The following GPR174 variants were observed in gnomAD, a reference collection of about 807,000 sequenced individuals.
The protein encoded by GPR174 is probable G protein-coupled receptor 174.
A neutral mutation model predicts 16.5 loss-of-function variants in GPR174; 8 were observed. The ratio of observed to expected loss-of-function variants is 0.48; its 90% CI spans 0.28 to 0.87. The LOEUF (loss-of-function observed/expected upper bound fraction) is 0.87. Among genes scored for constraint, GPR174 ranks in the 40% least tolerant of loss-of-function variants. GPR174 has a pLI of 0.09. For synonymous variants in GPR174, 111 were observed against 94.8 expected, an observed-to-expected ratio of 1.17 and a Z score of -0.99; for missense variants, 214 against 247.5, an observed-to-expected ratio of 0.86 and a Z score of 0.91.
intron 2 of GPR174, among the ~76,000 whole-genome samples, chrX:79,165,293 C>T (rs1921331484): frequency 1.3e-5 from 1 of 76,661 alleles, no homozygotes; most frequent in African/African-American, 5.1e-5. Flanking sequence ...AGGAATACAA[C>T]GAAGCACTAA....
intron 2 of GPR174, among the ~76,000 whole-genome samples, chrX:79,168,865 T>G (rs1476851598): frequency 3.6e-5 from 4 of 111,644 alleles, no homozygotes; most frequent in Non-Finnish European, 7.5e-5. Flanking sequence ...ATAATGAAGC[T>G]TGCATATAGT....
intron 2 of GPR174, among the ~76,000 whole-genome samples, chrX:79,164,566 C>T (rs1921311454): frequency 9.0e-6 from 1 of 111,661 alleles, no homozygotes; most frequent in Admixed American, 9.5e-5. Flanking sequence ...GAAATATAGG[C>T]CCACAATACT....
Position 79,171,875 on chromosome X carries a change from G to A in GPR174, c.868G>A (p.Val290Ile), listed in dbSNP as rs751528143. 7 of 1,209,310 alleles carry A rather than the reference G, an allele frequency of 5.8e-6. No homozygotes were observed. The highest frequency in any genetic ancestry group is 1.8e-5 in the African/African-American group (1 of 56,978). Residue 290 changes from valine to isoleucine, a missense_variant, in exon 3 of 3, where the codon GTC becomes ATC. Val to Ile is a conservative substitution (Grantham distance 29). Coordinates refer to ENST00000645147, the MANE Select transcript of GPR174 (RefSeq NM_032553.3). ...LASLNSCLDPVIYYFSTNEFR... is the reference protein window; with the variant it reads ...LASLNSCLDPIIYYFSTNEFR... ...TAGTCTGAATTCATGTCTTGACCCA[G>A]TCATATACTACTTTTCCACTAATGA...
intron 1 of GPR174, among the ~76,000 whole-genome samples, chrX:79,153,461 T>A (rs1035275792): frequency 2.7e-5 from 3 of 111,840 alleles, no homozygotes; most frequent in Admixed American, 9.5e-5. Flanking sequence ...TTTCTTCCAG[T>A]CTTGAATGCC....
intron 1 of GPR174, among the ~76,000 whole-genome samples, chrX:79,153,434 C>T (rs772298479): frequency 2.3e-4 from 26 of 111,583 alleles, no homozygotes; most frequent in African/African-American, 7.5e-4. Flanking sequence ...AAATAACATT[C>T]GTCTTATTTT....
Position 79,169,620 on chromosome X carries a change from T to C in GPR174, c.-556-832T>C, listed in dbSNP as rs140126998. On this transcript the variant is annotated intron_variant, in intron 2 of 2. Transcript: ENST00000645147. ...AGGATGTTTCATAATTCCCATTTCA[T>C]TTTTGTTCTTCCCACACATATCTTT... Among the ~76,000 whole-genome samples the C allele has an allele frequency of 4.7e-3, 521 of 111,953 alleles. 3 individuals are homozygous for C. The highest frequency in any genetic ancestry group is 0.015 in the African/African-American group (478 of 30,844).
intron 2 of GPR174, among the ~76,000 whole-genome samples, chrX:79,167,233 A>C (rs1921395530): frequency 8.9e-6 from 1 of 112,166 alleles, no homozygotes; most frequent in Non-Finnish European, 1.9e-5. Flanking sequence ...AGATTCTCAG[A>C]TTTTAAGGCT....
rs1889833603 is a variant in GPR174, at chrX:79,170,739, G to A, written c.-269G>A. The A allele has an allele frequency of 6.0e-6, 2 of 334,873 alleles. No individual in the cohort carries two copies. Among genetic ancestry groups the A allele is most frequent in the African/African-American group, 5.3e-5 (2 of 37,745 alleles). 27.6% of individuals were successfully genotyped at this position (334,873 alleles called of 1,213,427 possible). A position where few individuals can be genotyped will look rare whatever the true frequency, so the allele number is the denominator to read the frequency against. On this transcript the variant is annotated 5_prime_UTR_variant, in exon 3 of 3. Transcript: ENST00000645147. Reference sequence around the variant, plus strand: ...CAGAGGGCCTTAAAATAAACAAGAGGGGAAATTGTAACAGCTTGTCATCTG... The same window carrying A: ...CAGAGGGCCTTAAAATAAACAAGAGAGGAAATTGTAACAGCTTGTCATCTG...
chrX:79,161,849 A>G (rs898141696), intron 2 of GPR174, among the ~76,000 whole-genome samples: 4 of 111,967 alleles, frequency 3.6e-5, no homozygotes, highest in Non-Finnish European at 7.5e-5. Flanking sequence ...GGGAAAATAA[A>G]AATAGCACTA....
intron 1 of GPR174, among the ~76,000 whole-genome samples, chrX:79,156,271 A>C (rs1921095475): frequency 8.9e-6 from 1 of 112,001 alleles, no homozygotes; most frequent in Admixed American, 9.4e-5. Flanking sequence ...ACCATACATA[A>C]GAAACTATCT....
At chrX:79,160,835 G>A (rs1296846603) in intron 2 of GPR174, among the ~76,000 whole-genome samples, 3 of 111,908 alleles carry the variant, frequency 2.7e-5, no homozygotes, top group Non-Finnish European at 5.6e-5. Flanking sequence ...ATACTTCAGA[G>A]TTGAAACATT....
chrX:79,152,791 T>A (rs1411870486), intron 1 of GPR174, among the ~76,000 whole-genome samples: 1 of 111,969 alleles, frequency 8.9e-6, no homozygotes, highest in Non-Finnish European at 1.9e-5. Flanking sequence ...GAAAATGGTA[T>A]AATTGAGGAC....
At chrX:79,165,856 G>C (rs1025076788) in intron 2 of GPR174, among the ~76,000 whole-genome samples, 12 of 111,425 alleles carry the variant, frequency 1.1e-4, no homozygotes, top group African/African-American at 3.6e-4. Context: ...AGAAGGGTCT[G>C]ATTATCTTGG....
chrX:79,163,538 G>T (rs1332954979), intron 2 of GPR174, among the ~76,000 whole-genome samples: 2 of 111,468 alleles, frequency 1.8e-5, no homozygotes, highest in Non-Finnish European at 3.8e-5. Context: ...TCAAACTGTA[G>T]ACTACAAGAA....
intron 1 of GPR174, among the ~76,000 whole-genome samples, chrX:79,150,795 G>A (rs1047640272): frequency 8.1e-5 from 9 of 111,793 alleles, no homozygotes; most frequent in Non-Finnish European, 1.5e-4. Flanking sequence ...GGAATTCTGA[G>A]CCTTTGGCCT....
At chrX:79,169,433 A>G (rs1349837226) in intron 2 of GPR174, among the ~76,000 whole-genome samples, 1 of 111,933 alleles carries the variant, frequency 8.9e-6, no homozygotes, top group Non-Finnish European at 1.9e-5. Flanking sequence ...ATCCAAAGGC[A>G]TATTATGAAT....
chrX:79,150,856 G>C (rs182434579), intron 1 of GPR174, among the ~76,000 whole-genome samples: 1 of 111,138 alleles, frequency 9.0e-6, no homozygotes, highest in African/African-American at 3.3e-5. Context: ...TTAGCAAAGG[G>C]AAAATAATAG....
At chrX:79,148,401 G>C (rs1015652192) in intron 1 of GPR174, among the ~76,000 whole-genome samples, 1 of 112,083 alleles carries the variant, frequency 8.9e-6, no homozygotes, top group African/African-American at 3.2e-5. Flanking sequence ...TCTCAGCAAC[G>C]ATGAAAGGCT....
chrX:79,158,270 T>G (rs1921147209), intron 2 of GPR174, among the ~76,000 whole-genome samples: 1 of 106,489 alleles, frequency 9.4e-6, no homozygotes, highest in Non-Finnish European at 1.9e-5. Context: ...CAAGACCACT[T>G]GAGCCCTTTC....
Sources: allele counts gnomAD v4.1 joint callset (sites outside exome capture counted in the v4.1 genomes callset), GRCh38; gene constraint gnomAD v4.1.1; transcripts MANE v1.5; gene names NCBI Gene and HGNC (gene_info 2026-07-23, HGNC 2026-07-21).